FGGY: variants seen among roughly 807,000 people sequenced by gnomAD.
FGGY encodes FGGY carbohydrate kinase domain containing, also known as FGGY carbohydrate kinase domain-containing protein.
Under a neutral mutation model 71.3 loss-of-function variants are expected in FGGY, and 72 were observed. The ratio of observed to expected loss-of-function variants is 1.01; its 90% CI spans 0.84 to 1.23. The LOEUF (loss-of-function observed/expected upper bound fraction) is 1.23, where lower values mean the gene tolerates loss of function less well. FGGY is among the 50% of genes most tolerant of loss of function. The pLI, the probability that FGGY is intolerant of heterozygous loss-of-function variation, is 0.00. For missense variants in FGGY, 668 were observed against 682.3 expected (o/e 0.98, Z 0.23); for synonymous variants, 251 against 250.3 (o/e 1.00, Z -0.02).
chr1:59,395,565 A>G (rs2061228098), intron 5 of FGGY, among the ~76,000 whole-genome samples: 1 of 152,162 alleles, frequency 6.6e-6, no homozygotes, highest in South Asian at 2.1e-4. Flanking sequence ...AAGTCCTAAT[A>G]CAGTGGTTGG....
intron 5 of FGGY, among the ~76,000 whole-genome samples, chr1:59,412,197 A>G (rs946558606): frequency 6.6e-6 from 1 of 152,108 alleles, no homozygotes; most frequent in Non-Finnish European, 1.5e-5. Context: ...CTCATGCTGC[A>G]TGCTTTTCCA....
chr1:59,689,253 C>T (rs2097570434), intron 14 of FGGY, among the ~76,000 whole-genome samples: 1 of 151,994 alleles, frequency 6.6e-6, no homozygotes, highest in African/African-American at 2.4e-5. Flanking sequence ...GGAGTGGAAA[C>T]ATTAATTTAG....
intron 14 of FGGY, chr1:59,733,311 C>T (rs1187016996): frequency 1.3e-5 from 2 of 154,180 alleles, no homozygotes; most frequent in South Asian, 2.0e-4. Flanking sequence ...GTCCCCTGCC[C>T]CATCTCCTCC....
At chr1:59,574,447 T>C (rs2096044054) in intron 8 of FGGY, among the ~76,000 whole-genome samples, 1 of 152,192 alleles carries the variant, frequency 6.6e-6, no homozygotes, top group South Asian at 2.1e-4. Flanking sequence ...TCCTTTTTTT[T>C]TCTTTCTTTT....
At chr1:59,472,140 G>A (rs1048906696) in intron 6 of FGGY, among the ~76,000 whole-genome samples, 1 of 152,218 alleles carries the variant, frequency 6.6e-6, no homozygotes, top group Non-Finnish European at 1.5e-5. Flanking sequence ...AGAGGCGCGG[G>A]CGGGAACCGG....
chr1:59,535,373 A>T (rs2095284753), intron 7 of FGGY, among the ~76,000 whole-genome samples: 1 of 152,162 alleles, frequency 6.6e-6, no homozygotes, highest in South Asian at 2.1e-4. Flanking sequence ...ACTCCCACAC[A>T]TTAATAATGG....
intron 1 of FGGY, among the ~76,000 whole-genome samples, chr1:59,297,417 A>G (rs1557467511): frequency 1.3e-5 from 2 of 152,198 alleles, no homozygotes; most frequent in African/African-American, 4.8e-5. Context: ...ACTTGTGATA[A>G]TGTTTGAGGC....
At chr1:59,456,663 G>T (rs1453660488) in intron 5 of FGGY, among the ~76,000 whole-genome samples, 6 of 152,084 alleles carry the variant, frequency 3.9e-5, no homozygotes, top group African/African-American at 9.7e-5. Context: ...GGCCAGGCTG[G>T]TCTCCAACTC....
intron 5 of FGGY, among the ~76,000 whole-genome samples, chr1:59,398,247 A>T (rs835421): frequency 0.055 from 8,144 of 149,230 alleles, 690 homozygotes; most frequent in African/African-American, 0.19. Flanking sequence ...GTAAAAAAAA[A>T]TTTTTTTTTT....
intron 14 of FGGY, among the ~76,000 whole-genome samples, chr1:59,688,911 G>T (rs2153999845): frequency 6.6e-6 from 1 of 152,118 alleles, no homozygotes; most frequent in East Asian, 1.9e-4. Context: ...CACCACACCT[G>T]GCTGATTTTT....
chr1:59,732,361 C>G (rs2098043754), intron 14 of FGGY, among the ~76,000 whole-genome samples: 2 of 152,176 alleles, frequency 1.3e-5, no homozygotes, highest in Admixed American at 1.3e-4. Flanking sequence ...TACCACCCCC[C>G]TTCCTATTTT....
chr1:59,418,413 G>A (rs1460754150), intron 5 of FGGY, among the ~76,000 whole-genome samples: 2 of 152,142 alleles, frequency 1.3e-5, no homozygotes, highest in African/African-American at 2.4e-5. Flanking sequence ...GTTAGGATCT[G>A]TGACTGGTGT....
In FGGY at chr1:59,457,052, G is replaced by T; in HGVS notation, c.646G>T (p.Val216Phe). Reference protein sequence around the residue: ...FWKMIGLEDFVADNYSKIGNQ... With the variant: ...FWKMIGLEDFFADNYSKIGNQ... ...GAAAATGATTGGTTTGGAAGACTTT[G>T]TTGCAGATAATTACAGCAAAATAGG... Residue 216 changes from valine to phenylalanine, a missense_variant, in exon 6 of 16, where the codon GTT becomes TTT. This residue lies in a region of FGGY where 661 missense variants were observed against 661.6 expected (regional missense o/e 1.00). Transcript: ENST00000303721. 1 of 1,613,826 alleles carries T rather than the reference G, an allele frequency of 6.2e-7. No homozygotes were observed. The highest frequency in any genetic ancestry group is 1.1e-5 in the South Asian group (1 of 91,084).
At chr1:59,436,440 T>C (rs1262068012) in intron 5 of FGGY, among the ~76,000 whole-genome samples, 1 of 152,222 alleles carries the variant, frequency 6.6e-6, no homozygotes, top group Non-Finnish European at 1.5e-5. Context: ...ATAGTTATTT[T>C]TGTAATTTAT....
chr1:59,498,315 A>C (rs772008609), intron 6 of FGGY, among the ~76,000 whole-genome samples: 1 of 152,230 alleles, frequency 6.6e-6, no homozygotes, highest in African/African-American at 2.4e-5. Flanking sequence ...TACTTGTAAA[A>C]TTCACACATC....
chr1:59,613,190 T>C (rs555866991), intron 9 of FGGY, among the ~76,000 whole-genome samples: 24 of 152,300 alleles, frequency 1.6e-4, no homozygotes, highest in African/African-American at 5.5e-4. Flanking sequence ...ATCAACAGAA[T>C]ATACATTCTT....
chr1:59,548,640 C>T (rs74086226), intron 7 of FGGY, among the ~76,000 whole-genome samples: 2,513 of 152,158 alleles, frequency 0.017, 69 homozygotes, highest in African/African-American at 0.057. Flanking sequence ...TAACCTGTAC[C>T]GTTCAATATA....
At chr1:59,521,201 T>A (rs2094822119) in intron 7 of FGGY, among the ~76,000 whole-genome samples, 1 of 152,142 alleles carries the variant, frequency 6.6e-6, no homozygotes, top group African/African-American at 2.4e-5. Context: ...TTTATTGTTT[T>A]AAGTTGAGGT....
intron 6 of FGGY, among the ~76,000 whole-genome samples, chr1:59,493,096 A>AAC (rs3035371): frequency 0.19 from 26,502 of 142,812 alleles, 2,459 homozygotes; most frequent in African/African-American, 0.23. Context: ...TACCAAACAA[A>AAC]ACACACACAC....
Sources: gnomAD v4.1 joint callset for allele counts (sites outside exome capture counted in the v4.1 genomes callset) on GRCh38, gnomAD v4.1.1 for gene constraint, gnomAD v4.1.1 regional missense constraint, MANE v1.5 for transcripts, NCBI Gene and HGNC (gene_info 2026-07-23, HGNC 2026-07-21) for gene names.